RYR3: variants seen among roughly 807,000 people sequenced by gnomAD.
The protein encoded by RYR3 is brain ryanodine receptor-calcium release channel.
Under a neutral mutation model 584.3 loss-of-function variants are expected in RYR3, and 207 were observed. The ratio of observed to expected loss-of-function variants is 0.35; its 90% CI spans 0.32 to 0.40. RYR3 has a LOEUF of 0.40. Ranked by LOEUF, RYR3 falls within the 10% of genes least tolerant of loss-of-function variation. The pLI is 1.00. For synonymous variants in RYR3, 2,416 were observed against 2,248.5 expected, an observed-to-expected ratio of 1.07 and a Z score of -2.11; for missense variants, 5,616 against 6,089.2, an observed-to-expected ratio of 0.92 and a Z score of 2.59.
intron 47 of RYR3, 37 bp from the exon 48 acceptor site, chr15:33,731,437 A>C: frequency 6.7e-7 from 1 of 1,493,050 alleles, no homozygotes; most frequent in Non-Finnish European, 9.2e-7. Flanking sequence ...TCTGTTCCTC[A>C]GGGCAATTAA....
At chr15:33,537,950 T>G (rs952062191) in intron 5 of RYR3, among the ~76,000 whole-genome samples, 2 of 152,102 alleles carry the variant, frequency 1.3e-5, no homozygotes, top group Non-Finnish European at 2.9e-5. Context: ...TCTGGAAGAA[T>G]TTTTCAGCTT....
intron 32 of RYR3, among the ~76,000 whole-genome samples, chr15:33,655,525 GC>G (rs1193498861): frequency 1.3e-5 from 2 of 152,178 alleles, no homozygotes; most frequent in African/African-American, 4.8e-5. Context: ...GACAGCTTTA[GC>G]CCACCTTTCA....
chr15:33,542,851 G>A (rs971235577), intron 7 of RYR3, among the ~76,000 whole-genome samples: 1 of 152,128 alleles, frequency 6.6e-6, no homozygotes, highest in Non-Finnish European at 1.5e-5. Context: ...CTTGGAGCAA[G>A]GTAAAGCTCG....
intron 1 of RYR3, among the ~76,000 whole-genome samples, chr15:33,352,864 A>G (rs1973463732): frequency 1.3e-5 from 2 of 152,230 alleles, no homozygotes; most frequent in Non-Finnish European, 1.5e-5. Flanking sequence ...AGTAGGTTCA[A>G]GCAGTTCCAA....
At chr15:33,594,381 G>A (rs923527794) in intron 16 of RYR3, among the ~76,000 whole-genome samples, 5 of 152,200 alleles carry the variant, frequency 3.3e-5, no homozygotes, top group African/African-American at 1.2e-4. Context: ...AAGTTAGGTA[G>A]AGAGAAACAA....
intron 43 of RYR3, among the ~76,000 whole-genome samples, chr15:33,710,344 T>G (rs1373694273): frequency 4.3e-5 from 6 of 138,740 alleles, no homozygotes; most frequent in African/African-American, 1.7e-4. Flanking sequence ...ATACACTTTT[T>G]TTTTTTTTTT....
In RYR3 at chr15:33,866,040, G is replaced by GT. The variant is rs1890406240; in HGVS notation, c.*817dup. ...CCCTTGTAAGTAGTGGAGCTGCTCT[G>GT]TTTAGGTGAATCTCCTCAAATACAA... On this transcript the variant is annotated 3_prime_UTR_variant, in exon 104 of 104. Coordinates refer to ENST00000634891, the MANE Select transcript of RYR3 (RefSeq NM_001036.6). The GT allele has an allele frequency of 6.5e-6, 1 of 154,392 alleles. No homozygotes were observed. Among genetic ancestry groups the GT allele is most frequent in the Non-Finnish European group, 1.4e-5 (1 of 69,218 alleles). 9.6% of individuals were successfully genotyped at this position (154,392 alleles called of 1,614,324 possible).
intron 5 of RYR3, among the ~76,000 whole-genome samples, chr15:33,536,252 TG>T (rs2055322024): frequency 1.3e-5 from 2 of 152,120 alleles, no homozygotes; most frequent in Admixed American, 6.5e-5. Flanking sequence ...GGAGAAAGTT[TG>T]GGGGCAGTTT....
At chr15:33,785,062 C>T (rs1159583327) in intron 65 of RYR3, among the ~76,000 whole-genome samples, 1 of 152,184 alleles carries the variant, frequency 6.6e-6, no homozygotes, top group Non-Finnish European at 1.5e-5. Flanking sequence ...ATCAAGCCAC[C>T]TCAGGTCATC....
Position 33,728,885 on chromosome 15 carries a change from G to C in RYR3, c.7062G>C (p.Ala2354=). The C allele has an allele frequency of 6.2e-7, 1 of 1,612,642 alleles. No homozygotes were observed. Among genetic ancestry groups the C allele is most frequent in the Non-Finnish European group, 8.5e-7 (1 of 1,179,530 alleles). ...GGTCGGTCAGTGAGCCAGATATGGC[G>C]GCCAATTTCTGCCCTGACCACAAGG... The part of the protein sequence containing the change: ...KDGSVSEPDM[A]ANFCPDHKAP... The change falls in exon 47 of 104, where the codon GCG becomes GCC. Residue 2354 remains alanine (A), a synonymous_variant. Coordinates refer to ENST00000634891, the MANE Select transcript of RYR3 (RefSeq NM_001036.6).
chr15:33,727,652 C>A (rs2068580829), intron 46 of RYR3, among the ~76,000 whole-genome samples: 1 of 152,206 alleles, frequency 6.6e-6, no homozygotes, highest in Non-Finnish European at 1.5e-5. Context: ...TGGAAGGCCC[C>A]TTCTCTCTGG....
In RYR3 at chr15:33,788,342, C is replaced by G; in HGVS notation, c.9714C>G (p.Ala3238=). 6.2e-7 allele frequency: 1 copy of G among 1,613,926 alleles called. No individual in the cohort carries two copies. The highest frequency in any genetic ancestry group is 8.5e-7 in the Non-Finnish European group (1 of 1,179,878). The change falls in exon 67 of 104, where the codon GCC becomes GCG. Residue 3238 remains alanine, a synonymous_variant. Transcript: ENST00000634891. ...KTVQEEEQLK[A]DGKGDTQEAE... ...TGCAGGAGGAGGAGCAGTTGAAAGC[C>G]GATGGCAAAGGGGACACCCAGGAGG...
rs539341687 is a variant in RYR3, at chr15:33,416,438, A to C, written c.52-56981A>C. 3.9e-5 allele frequency among the ~76,000 whole-genome samples: 6 copies of C among 152,148 alleles called. No homozygotes were observed. The South Asian group carries it at 1.2e-3, about 32-fold the overall frequency. On this transcript the variant is annotated intron_variant, in intron 1 of 103. Coordinates refer to ENST00000634891, the MANE Select transcript of RYR3 (RefSeq NM_001036.6). ...GTATCTCATTGTGGTTTTTATTTGC[A>C]TTTCTCTAATAATTAGTAATGATGA...
intron 32 of RYR3, among the ~76,000 whole-genome samples, chr15:33,658,958 G>A (rs890125430): frequency 6.6e-6 from 1 of 152,210 alleles, no homozygotes; most frequent in Non-Finnish European, 1.5e-5. Context: ...GAGGGAGACA[G>A]TGTCCTTTTG....
rs1555426977 is a variant in RYR3, at chr15:33,725,178, C to CACATATAT, written c.6912+1005_6912+1006insTATATACA. 1.3e-4 allele frequency among the ~76,000 whole-genome samples: 16 copies of CACATATAT among 120,940 alleles called. 1 individual carries two copies. Among genetic ancestry groups the CACATATAT allele is most frequent in the Non-Finnish European group, 3.0e-4 (16 of 53,732 alleles). 79.3% of individuals were successfully genotyped at this position (120,940 alleles called of 152,430 possible). A position where few individuals can be genotyped will look rare whatever the true frequency, so the allele number is the denominator to read the frequency against. The stretch of plus-strand genomic sequence containing the variant: ...TTACACACACACACACACACACACA[C>CACATATAT]ACACACACACACACACACACACACA... On this transcript the variant is annotated intron_variant, in intron 45 of 103. Coordinates refer to ENST00000634891, the MANE Select transcript of RYR3 (RefSeq NM_001036.6).
intron 1 of RYR3, among the ~76,000 whole-genome samples, chr15:33,338,399 G>A (rs1971408678): frequency 1.3e-5 from 2 of 152,250 alleles, no homozygotes; most frequent in Non-Finnish European, 2.9e-5. Flanking sequence ...TACATAAGAT[G>A]ACATAAAAGG....
chr15:33,623,209 C>T (rs569162958), intron 19 of RYR3, among the ~76,000 whole-genome samples: 31 of 152,350 alleles, frequency 2.0e-4, no homozygotes, highest in African/African-American at 7.5e-4. Context: ...CTCCTCACAG[C>T]CGCCCCCATA....
intron 19 of RYR3, among the ~76,000 whole-genome samples, chr15:33,617,981 T>G (rs1320044381): frequency 6.6e-6 from 1 of 152,166 alleles, no homozygotes; most frequent in South Asian, 2.1e-4. Flanking sequence ...ACCGTATTCA[T>G]TATAGAATAG....
rs753002737 is a variant in RYR3, at chr15:33,649,223, G to A, written c.4130G>A (p.Arg1377Gln). ...GTCACCCTAGGGGATGAAAGAGGCC[G>A]GGTCCATGAAAGGTAAGGGGGCTCC... is the stretch of plus-strand genomic sequence containing the variant. Reference protein sequence around the residue: ...VTVTLGDERGRVHESVKRSNC... With the variant: ...VTVTLGDERGQVHESVKRSNC... The change falls in exon 31 of 104, where the codon CGG becomes CAG. Residue 1377 changes from arginine (R) to glutamine (Q), a missense_variant. Coordinates refer to ENST00000634891, the MANE Select transcript of RYR3 (RefSeq NM_001036.6). 1.6e-5 allele frequency: 26 copies of A among 1,612,276 alleles called. No homozygotes were observed. Among genetic ancestry groups the A allele is most frequent in the East Asian group, 6.7e-5 (3 of 44,886 alleles).
Sources: allele counts gnomAD v4.1 joint callset (sites outside exome capture counted in the v4.1 genomes callset), GRCh38; gene constraint gnomAD v4.1.1; transcripts MANE v1.5; gene names NCBI Gene and HGNC (gene_info 2026-07-23, HGNC 2026-07-21).